The following MDGA2 variants were observed in gnomAD, a reference collection of about 807,000 sequenced individuals.
MDGA2 encodes the protein MAM domain containing glycosylphosphatidylinositol anchor 2, also known as MAM domain-containing glycosylphosphatidylinositol anchor protein 2.
MDGA2 carries 40 observed loss-of-function variants against 117.8 expected under a neutral mutation model. The ratio of observed to expected loss-of-function variants is 0.34; its 90% CI spans 0.26 to 0.44. The LOEUF is 0.44. MDGA2 is among the 20% of genes least tolerant of loss of function. MDGA2 has a pLI of 1.00. For synonymous variants in MDGA2, 452 were observed against 439.0 expected (o/e 1.03, Z -0.37); for missense variants, 1,123 against 1,250.6 (o/e 0.90, Z 1.54).
chr14:47,043,118 C>T (rs984526841), intron 7 of MDGA2, among the ~76,000 whole-genome samples: 4 of 151,780 alleles, frequency 2.6e-5, no homozygotes, highest in African/African-American at 9.7e-5. Flanking sequence ...TGATTATAAC[C>T]GCGTGTCAAT....
chr14:47,639,431 A>G (rs1897382583), intron 1 of MDGA2, among the ~76,000 whole-genome samples: 1 of 152,146 alleles, frequency 6.6e-6, no homozygotes, highest in South Asian at 2.1e-4. Flanking sequence ...TATAACAGAG[A>G]CAGTAATTTT....
chr14:46,851,447 G>A (rs1288879880), intron 15 of MDGA2, among the ~76,000 whole-genome samples: 1 of 151,802 alleles, frequency 6.6e-6, no homozygotes, highest in Admixed American at 6.6e-5. Flanking sequence ...ATCATGCTAA[G>A]TTAATTCTAG....
intron 3 of MDGA2, among the ~76,000 whole-genome samples, chr14:47,215,001 G>T (rs1886033764): frequency 6.6e-6 from 1 of 152,078 alleles, no homozygotes; most frequent in South Asian, 2.1e-4. Flanking sequence ...GTCTGCCTCA[G>T]CTTGGTGTTG....
At chr14:47,225,795 T>G (rs899043193) in intron 2 of MDGA2, among the ~76,000 whole-genome samples, 3 of 150,154 alleles carry the variant, frequency 2.0e-5, no homozygotes, top group East Asian at 2.0e-4. Flanking sequence ...ACATGTACCC[T>G]AAAACTTAAA....
At chr14:46,982,842 T>C (rs1004677274) in intron 8 of MDGA2, among the ~76,000 whole-genome samples, 1 of 151,812 alleles carries the variant, frequency 6.6e-6, no homozygotes, top group Non-Finnish European at 1.5e-5. Flanking sequence ...TCCAACACTA[T>C]GTTGAATAGG....
chr14:47,640,444 T>C (rs1897403483), intron 1 of MDGA2, among the ~76,000 whole-genome samples: 1 of 152,156 alleles, frequency 6.6e-6, no homozygotes, highest in Non-Finnish European at 1.5e-5. Flanking sequence ...TTCCTTATGG[T>C]TGCTCTTTAT....
intron 1 of MDGA2, among the ~76,000 whole-genome samples, chr14:47,462,208 C>A (rs1478110334): frequency 6.6e-6 from 1 of 151,836 alleles, no homozygotes; most frequent in Non-Finnish European, 1.5e-5. Flanking sequence ...AAACCCGTCG[C>A]TACTAAAAAT....
At chr14:47,255,032 T>C (rs1594755695) in intron 2 of MDGA2, among the ~76,000 whole-genome samples, 1 of 152,138 alleles carries the variant, frequency 6.6e-6, no homozygotes, top group Admixed American at 6.5e-5. Context: ...TTACCTCCCA[T>C]CGGGTTCCCT....
At chr14:47,642,892 G>T (rs926685561) in intron 1 of MDGA2, among the ~76,000 whole-genome samples, 15 of 152,006 alleles carry the variant, frequency 9.9e-5, no homozygotes, top group African/African-American at 3.6e-4. Flanking sequence ...GATAGATTGG[G>T]TTCAAACTCC....
chr14:47,074,735 CT>C (rs1457584842), intron 6 of MDGA2, among the ~76,000 whole-genome samples: 1 of 152,176 alleles, frequency 6.6e-6, no homozygotes, highest in African/African-American at 2.4e-5. Flanking sequence ...CTTCCATTTC[CT>C]TTGTCCTGAA....
At chr14:47,671,487 T>C (rs1310256647) in intron 1 of MDGA2, among the ~76,000 whole-genome samples, 1 of 152,176 alleles carries the variant, frequency 6.6e-6, no homozygotes, top group Non-Finnish European at 1.5e-5. Flanking sequence ...TATAATGACA[T>C]AGTTCTCAAT....
chr14:47,422,310 T>G (rs1162766769), intron 1 of MDGA2, among the ~76,000 whole-genome samples: 1 of 152,132 alleles, frequency 6.6e-6, no homozygotes, highest in Non-Finnish European at 1.5e-5. Flanking sequence ...TTTCTTTAGG[T>G]TTTAATTAGC....
Position 47,479,270 on chromosome 14 carries a change from G to T in MDGA2, c.281-177720C>A, listed in dbSNP as rs1016318466. On this transcript the variant is annotated intron_variant, in intron 1 of 16. Transcript: ENST00000399232. ...TTCAAAAGCAAGGACTTACAGTGAAGACTACTTACATACTTTTAATGCTAT... is the reference window on the plus strand; with the variant it reads ...TTCAAAAGCAAGGACTTACAGTGAATACTACTTACATACTTTTAATGCTAT... 5.9e-5 allele frequency among the ~76,000 whole-genome samples: 9 copies of T among 152,150 alleles called. No individual in the cohort carries two copies. In the Middle Eastern group the frequency reaches 0.01, roughly 173 times the overall value.
At chr14:47,665,793 C>T (rs12172803) in intron 1 of MDGA2, among the ~76,000 whole-genome samples, 21,559 of 104,398 alleles carry the variant, frequency 0.21, 1,829 homozygotes, top group East Asian at 0.26. Flanking sequence ...ACTAGCAGCC[C>T]GCCCCCTCCC....
chr14:47,487,309 G>T (rs1894081815), intron 1 of MDGA2, among the ~76,000 whole-genome samples: 1 of 152,132 alleles, frequency 6.6e-6, no homozygotes. Flanking sequence ...AATCCATCTG[G>T]ATCTGATTTA....
At chr14:46,914,926 A>T (rs1456949892) in intron 10 of MDGA2, among the ~76,000 whole-genome samples, 1 of 152,188 alleles carries the variant, frequency 6.6e-6, no homozygotes, top group Non-Finnish European at 1.5e-5. Context: ...AATATGTAAC[A>T]TAAATTAATA....
At chr14:47,513,556 T>C (rs1411271634) in intron 1 of MDGA2, among the ~76,000 whole-genome samples, 2 of 151,806 alleles carry the variant, frequency 1.3e-5, no homozygotes, top group East Asian at 1.9e-4. Context: ...CATAGAAAAA[T>C]AGATAATTTT....
intron 1 of MDGA2, among the ~76,000 whole-genome samples, chr14:47,541,859 G>A (rs972901731): frequency 1.3e-5 from 2 of 152,148 alleles, no homozygotes; most frequent in Non-Finnish European, 2.9e-5. Flanking sequence ...CCCCTGAGCA[G>A]CCTGAATCTG....
intron 2 of MDGA2, among the ~76,000 whole-genome samples, chr14:47,275,032 G>C (rs555604253): frequency 6.6e-6 from 1 of 152,024 alleles, no homozygotes; most frequent in Non-Finnish European, 1.5e-5. Context: ...CTTTCTTAAT[G>C]GTCCCATTTG....
Sources: gnomAD v4.1 joint callset for allele counts (sites outside exome capture counted in the v4.1 genomes callset) on GRCh38, gnomAD v4.1.1 for gene constraint, MANE v1.5 for transcripts, NCBI Gene and HGNC (gene_info 2026-07-23, HGNC 2026-07-21) for gene names.